The following GABRG3 variants were observed in gnomAD, a reference collection of about 807,000 sequenced individuals.
GABRG3 encodes the protein gamma-aminobutyric acid receptor subunit gamma-3.
GABRG3 carries 25 observed loss-of-function variants against 48.8 expected under a neutral mutation model. The observed-to-expected ratio is 0.51, with a 90% confidence interval of 0.37 to 0.72. GABRG3 has a LOEUF of 0.72. GABRG3 is among the 30% of genes least tolerant of loss of function. The probability of loss-of-function intolerance (pLI) is 0.00; values close to 1 mark genes in which losing one functional copy is unlikely to be tolerated. For synonymous variants in GABRG3, 227 were observed against 217.6 expected (o/e 1.04, Z -0.38); for missense variants, 394 against 577.9 (o/e 0.68, Z 3.26).
intron 5 of GABRG3, among the ~76,000 whole-genome samples, chr15:27,396,645 A>G (rs559177147): frequency 1.3e-5 from 2 of 152,344 alleles, no homozygotes; most frequent in East Asian, 1.9e-4. Flanking sequence ...TTTCTAGGAA[A>G]TGGAAACTCA....
intron 5 of GABRG3, among the ~76,000 whole-genome samples, chr15:27,425,458 A>AG (rs1291592640): frequency 6.7e-6 from 1 of 149,916 alleles, no homozygotes; most frequent in African/African-American, 2.5e-5. Context: ...CAAAAAAAAA[A>AG]AAAAAAAATA....
intron 5 of GABRG3, among the ~76,000 whole-genome samples, chr15:27,448,401 T>A (rs1277830782): frequency 6.6e-6 from 1 of 152,196 alleles, no homozygotes; most frequent in Non-Finnish European, 1.5e-5. Context: ...CAAGGAGGAA[T>A]CACGTGTAAA....
intron 3 of GABRG3, among the ~76,000 whole-genome samples, chr15:27,089,926 A>G (rs1897156546): frequency 6.6e-6 from 1 of 152,118 alleles, no homozygotes; most frequent in Non-Finnish European, 1.5e-5. Flanking sequence ...GATATACCAC[A>G]TTGTGTGTGC....
rs76824699 is a variant in GABRG3 at position 27,287,060 on chromosome 15, T to C, written c.271-39749T>C. ...TTGTTGGTTGATGGTTTTGTCCAGT[T>C]ATTCCATACCTTCATTTTTCTACTT... On this transcript the variant is annotated intron_variant, in intron 3 of 9. Coordinates refer to ENST00000615808, the MANE Select transcript of GABRG3 (RefSeq NM_033223.5). 6.2e-3 allele frequency among the ~76,000 whole-genome samples: 952 copies of C among 152,366 alleles called. 29 individuals carry two copies. In the East Asian group the frequency reaches 0.089, roughly 14 times the overall value.
intron 5 of GABRG3, among the ~76,000 whole-genome samples, chr15:27,371,221 G>A (rs1895402238): frequency 6.6e-6 from 1 of 151,828 alleles, no homozygotes; most frequent in African/African-American, 2.4e-5. Context: ...AACTAAATTA[G>A]CAACCATCGA....
intron 3 of GABRG3, among the ~76,000 whole-genome samples, chr15:27,271,178 G>C (rs1891072729): frequency 3.9e-5 from 6 of 152,180 alleles, no homozygotes; most frequent in Admixed American, 3.3e-4. Flanking sequence ...ACAACAAGGA[G>C]TACCCGAGAG....
At chr15:27,239,674 T>A (rs980006231) in intron 3 of GABRG3, among the ~76,000 whole-genome samples, 1 of 152,210 alleles carries the variant, frequency 6.6e-6, no homozygotes, top group Non-Finnish European at 1.5e-5. Context: ...TTGATAAAAA[T>A]TTTTCCCAAG....
At chr15:27,466,883 G>A (rs1486422293) in intron 5 of GABRG3, among the ~76,000 whole-genome samples, 7 of 152,180 alleles carry the variant, frequency 4.6e-5, no homozygotes, top group African/African-American at 4.8e-5. Flanking sequence ...AGTGAAAAGG[G>A]AAAAGAACTT....
At position 27,491,849 on chromosome 15, in the gene GABRG3, C is replaced by T. The variant is rs193010349; in HGVS notation, c.712+11062C>T. 2.1e-3 allele frequency among the ~76,000 whole-genome samples: 319 copies of T among 152,302 alleles called. 1 individual carries two copies. The highest frequency in any genetic ancestry group is 6.0e-3 in the African/African-American group (249 of 41,562). On this transcript the variant is annotated intron_variant, in intron 6 of 9. Transcript: ENST00000615808. ...ACCTCTGTTACTCCCTGTAGTCGTA[C>T]TTCAAATATGCGGGCTATTTAGGCA...
chr15:27,299,611 TTCTCTCAAAG>T (rs1892124397), intron 3 of GABRG3, among the ~76,000 whole-genome samples: 1 of 152,108 alleles, frequency 6.6e-6, no homozygotes, highest in South Asian at 2.1e-4. Context: ...ATTTCCTCCA[TTCTCTCAAAG>T]TTGAGTCCCC....
At chr15:27,358,257 G>C (rs1230043900) in intron 5 of GABRG3, among the ~76,000 whole-genome samples, 8 of 152,142 alleles carry the variant, frequency 5.3e-5, no homozygotes, top group African/African-American at 1.9e-4. Context: ...ACCATAGTTT[G>C]TTGCTCTTAC....
intron 5 of GABRG3, among the ~76,000 whole-genome samples, chr15:27,424,046 T>G (rs1010113707): frequency 2.0e-5 from 3 of 152,086 alleles, no homozygotes; most frequent in African/African-American, 7.2e-5. Flanking sequence ...AAGAGTTAAC[T>G]TTGCCCAAAG....
intron 3 of GABRG3, among the ~76,000 whole-genome samples, chr15:27,192,457 C>T (rs1043632173): frequency 7.9e-5 from 12 of 152,226 alleles, no homozygotes; most frequent in South Asian, 2.1e-4. Flanking sequence ...CTTCCCTTCT[C>T]GCTTCATTTC....
intron 5 of GABRG3, among the ~76,000 whole-genome samples, chr15:27,371,273 C>T (rs1207100130): frequency 6.7e-6 from 1 of 148,634 alleles, no homozygotes; most frequent in Non-Finnish European, 1.5e-5. Context: ...TTCCCTGAGA[C>T]AGTGAACATT....
intron 3 of GABRG3, among the ~76,000 whole-genome samples, chr15:27,275,548 G>T (rs1447176147): frequency 6.6e-6 from 1 of 152,090 alleles, no homozygotes; most frequent in East Asian, 1.9e-4. Context: ...CCCCTCTTGG[G>T]ATATACGTGT....
chr15:27,463,090 A>C (rs116971606), intron 5 of GABRG3, among the ~76,000 whole-genome samples: 1,770 of 152,314 alleles, frequency 0.012, 12 homozygotes, highest in Middle Eastern at 0.048. Context: ...TAAAATTATT[A>C]AAATTAATAT....
At chr15:27,482,306 C>T (rs754523104) in intron 6 of GABRG3, among the ~76,000 whole-genome samples, 7 of 152,178 alleles carry the variant, frequency 4.6e-5, no homozygotes, top group Admixed American at 2.0e-4. Context: ...TTCATACGCT[C>T]GGGACGGACG....
intron 3 of GABRG3, among the ~76,000 whole-genome samples, chr15:27,197,267 A>G (rs1216623260): frequency 6.6e-6 from 1 of 152,184 alleles, no homozygotes; most frequent in Non-Finnish European, 1.5e-5. Context: ...TGAAAATTCT[A>G]GACCAAAGAC....
At chr15:27,304,180 A>G (rs1339861380) in intron 3 of GABRG3, among the ~76,000 whole-genome samples, 1 of 151,970 alleles carries the variant, frequency 6.6e-6, no homozygotes, top group African/African-American at 2.4e-5. Flanking sequence ...GGCAAACTCA[A>G]CATTCCTGTT....
Sources: allele counts gnomAD v4.1 joint callset (sites outside exome capture counted in the v4.1 genomes callset), GRCh38; gene constraint gnomAD v4.1.1; transcripts MANE v1.5; gene names NCBI Gene and HGNC (gene_info 2026-07-23, HGNC 2026-07-21).